The following HMCN1 variants were observed in gnomAD, a reference collection of about 807,000 sequenced individuals.
HMCN1 encodes hemicentin 1, also known as hemicentin-1.
HMCN1 carries 321 observed loss-of-function variants against 625.9 expected under a neutral mutation model. That is an observed-to-expected ratio of 0.51 (90% CI 0.47 to 0.56). HMCN1 has a LOEUF of 0.56. Among genes scored for constraint, HMCN1 ranks in the 20% least tolerant of loss-of-function variants. The pLI, the probability that HMCN1 is intolerant of heterozygous loss-of-function variation, is 0.00. For synonymous variants in HMCN1, 2,425 were observed against 2,417.6 expected, an observed-to-expected ratio of 1.00 and a Z score of -0.09; for missense variants, 6,588 against 6,887.3, an observed-to-expected ratio of 0.96 and a Z score of 1.54.
At chr1:185,768,758 C>A (rs972798369) in intron 1 of HMCN1, among the ~76,000 whole-genome samples, 1 of 151,896 alleles carries the variant, frequency 6.6e-6, no homozygotes, top group Non-Finnish European at 1.5e-5. Flanking sequence ...CTAGCCTGGG[C>A]AACATAGTAG....
chr1:185,816,927 A>G (rs528700356), intron 1 of HMCN1, among the ~76,000 whole-genome samples: 84 of 152,250 alleles, frequency 5.5e-4, no homozygotes, highest in African/African-American at 1.9e-3. Context: ...GCCTCTCTCC[A>G]TATCCCAGTG....
chr1:186,182,525 G>A (rs1653000818), intron 105 of HMCN1, among the ~76,000 whole-genome samples: 1 of 152,280 alleles, frequency 6.6e-6, no homozygotes, highest in East Asian at 1.9e-4. Context: ...GAGCAAGAAT[G>A]CCTAAGCCAG....
chr1:185,970,643 C>A, intron 15 of HMCN1, 150 bp downstream of exon 15: 1 of 710,334 alleles, frequency 1.4e-6, no homozygotes, highest in South Asian at 1.6e-5. Flanking sequence ...CAGTAGTTAG[C>A]ATTTACTAGG....
intron 1 of HMCN1, among the ~76,000 whole-genome samples, chr1:185,762,535 G>T (rs1254964649): frequency 6.6e-6 from 1 of 152,150 alleles, no homozygotes; most frequent in Non-Finnish European, 1.5e-5. Context: ...AAGTGGGGAA[G>T]CCAGAAGTAG....
chr1:185,864,806 T>A, intron 3 of HMCN1, among the ~76,000 whole-genome samples, 178 bp downstream of exon 3: 1 of 152,348 alleles, frequency 6.6e-6, no homozygotes, highest in Middle Eastern at 3.4e-3. Context: ...TATGTGATAT[T>A]TATACATACC....
In HMCN1 at chr1:186,019,642, A is replaced by T. The variant is rs200642806; in HGVS notation, c.5572A>T (p.Ile1858Phe). The T allele has an allele frequency of 1.5e-5, 24 of 1,612,354 alleles. No individual in the cohort carries two copies. The African/African-American group carries it at 3.1e-4, about 21-fold the overall frequency. The change falls in exon 35 of 107, where the codon ATT (isoleucine) becomes TTT (phenylalanine). Residue 1858 changes from isoleucine (I) to phenylalanine (F), a missense_variant. By Grantham distance (21) the Ile-to-Phe change is conservative (BLOSUM62 0). This residue lies in a region of HMCN1 where 4,628 missense variants were observed against 4,853.1 expected (regional missense o/e 0.95). Transcript: ENST00000271588. ...CIANGIPNPS[I>F]TWLKDDQPVN... The stretch of plus-strand genomic sequence containing the variant: ...AGCCAATGGGATTCCAAATCCTTCC[A>T]TTACATGGTTAAAAGATGACCAGCC...
intron 4 of HMCN1, among the ~76,000 whole-genome samples, chr1:185,893,954 T>C (rs1665313107): frequency 6.6e-6 from 1 of 152,038 alleles, no homozygotes; most frequent in African/African-American, 2.4e-5. Context: ...TTTATCATTA[T>C]ACTGTCATCA....
At chr1:186,012,226 CTT>C (rs553975075) in intron 30 of HMCN1, among the ~76,000 whole-genome samples, 11 of 142,752 alleles carry the variant, frequency 7.7e-5, no homozygotes, top group Admixed American at 7.1e-5. Context: ...TTGTCTAAGC[CTT>C]TTTTTTTTTG....
chr1:185,922,645 A>G (rs1219663442), intron 7 of HMCN1, 146 bp downstream of exon 7: 6 of 755,380 alleles, frequency 7.9e-6, no homozygotes, highest in Non-Finnish European at 1.3e-5. Flanking sequence ...TGGCCTAATC[A>G]CTTTCTCAAA....
At chr1:185,915,012 C>T (rs34165369) in intron 6 of HMCN1, among the ~76,000 whole-genome samples, 1,598 of 152,058 alleles carry the variant, frequency 0.011, 27 homozygotes, top group African/African-American at 0.036. Flanking sequence ...AACACTAATA[C>T]GTTTACGATT....
intron 6 of HMCN1, among the ~76,000 whole-genome samples, chr1:185,920,684 T>G (rs1666962937): frequency 6.6e-6 from 1 of 152,198 alleles, no homozygotes; most frequent in Non-Finnish European, 1.5e-5. Context: ...CTGTTTTTTT[T>G]CACTCAGCTA....
rs71557837 is a variant in HMCN1, at chr1:185,877,321, C to CTTTT, written c.621+11485_621+11488dup. On this transcript the variant is annotated intron_variant, in intron 4 of 106. Coordinates refer to ENST00000271588, the MANE Select transcript of HMCN1 (RefSeq NM_031935.3). ...CTATTTCATTGATCTATGTGTCTTT[C>CTTTT]TTTTTTTTTTTTTTTTTTTTTTTTT... Among the ~76,000 whole-genome samples, 228 of 34,924 alleles carry CTTTT rather than the reference C, an allele frequency of 6.5e-3. 2 individuals carry two copies. The highest frequency in any genetic ancestry group is 8.3e-3 in the East Asian group (6 of 724). 22.9% of individuals were successfully genotyped at this position (34,924 alleles called of 152,430 possible).
At chr1:185,830,742 G>T (rs907200691) in intron 1 of HMCN1, among the ~76,000 whole-genome samples, 3 of 152,006 alleles carry the variant, frequency 2.0e-5, no homozygotes, top group Admixed American at 2.0e-4. Flanking sequence ...ACAAAAATTA[G>T]CCAGGCGTGG....
intron 4 of HMCN1, among the ~76,000 whole-genome samples, chr1:185,872,992 C>T (rs1250018115): frequency 6.6e-6 from 1 of 151,918 alleles, no homozygotes; most frequent in Non-Finnish European, 1.5e-5. Flanking sequence ...AGACCTATAT[C>T]TAAGGAAAAA....
At chr1:185,997,888 C>T (rs1468273961) in intron 25 of HMCN1, among the ~76,000 whole-genome samples, 3 of 151,782 alleles carry the variant, frequency 2.0e-5, no homozygotes, top group African/African-American at 7.3e-5. Context: ...TTATCTCAAC[C>T]AGGCAGAGGT....
intron 1 of HMCN1, among the ~76,000 whole-genome samples, chr1:185,803,018 AC>A (rs1423062594): frequency 6.6e-6 from 1 of 152,060 alleles, no homozygotes; most frequent in Non-Finnish European, 1.5e-5. Context: ...TAAAGCTCCT[AC>A]TGCATATTTT....
intron 1 of HMCN1, among the ~76,000 whole-genome samples, chr1:185,745,909 T>C (rs979938416): frequency 9.1e-4 from 139 of 152,156 alleles, no homozygotes; most frequent in African/African-American, 3.3e-3. Context: ...GGATAGAACT[T>C]AGAGAACACA....
Position 186,088,771 on chromosome 1 carries a change from T to C in HMCN1, c.9727+16T>C. 1 of 1,599,220 alleles carries C rather than the reference T, an allele frequency of 6.3e-7. No individual in the cohort carries two copies. The highest frequency in any genetic ancestry group is 8.5e-7 in the Non-Finnish European group (1 of 1,169,774). On this transcript the variant is annotated intron_variant, in intron 63 of 106. Transcript: ENST00000271588. The stretch of plus-strand genomic sequence containing the variant: ...TCAATTCAAGGTATGTATTGTCCAC[T>C]ATGATCTATCTTCAATTTCTTTGTT...
At chr1:185,897,936 T>C (rs1331233889) in intron 4 of HMCN1, among the ~76,000 whole-genome samples, 1 of 152,196 alleles carries the variant, frequency 6.6e-6, no homozygotes, top group Non-Finnish European at 1.5e-5. Flanking sequence ...ACCTATCCAC[T>C]CCACCCATTT....
Sources: gnomAD v4.1 joint callset for allele counts (sites outside exome capture counted in the v4.1 genomes callset) on GRCh38, gnomAD v4.1.1 for gene constraint, gnomAD v4.1.1 regional missense constraint, MANE v1.5 for transcripts, NCBI Gene and HGNC (gene_info 2026-07-23, HGNC 2026-07-21) for gene names.